Variants in SBNO2 observed in about 807,000 individuals in gnomAD.
SBNO2 encodes the protein protein strawberry notch homolog 2.
Under a neutral mutation model 146.3 loss-of-function variants are expected in SBNO2, and 89 were observed. The observed-to-expected ratio is 0.61, with a 90% confidence interval of 0.51 to 0.73. The LOEUF is 0.73. Among genes scored for constraint, SBNO2 ranks in the 30% least tolerant of loss-of-function variants. SBNO2 has a pLI of 0.00. For synonymous variants in SBNO2, 1,147 were observed against 892.6 expected, an observed-to-expected ratio of 1.29 and a Z score of -5.08; for missense variants, 2,092 against 2,003.7, an observed-to-expected ratio of 1.04 and a Z score of -0.84.
chr19:1,164,669 C>CAGG (rs1269073805), intron 1 of SBNO2, among the ~76,000 whole-genome samples: 4 of 8,676 alleles, frequency 4.6e-4, no homozygotes, highest in Admixed American at 1.4e-3. Flanking sequence ...GGAGGAGGAA[C>CAGG]AGGAGGAGGA....
At chr19:1,160,029 G>A (rs960500912) in intron 1 of SBNO2, among the ~76,000 whole-genome samples, 4 of 152,066 alleles carry the variant, frequency 2.6e-5, no homozygotes, top group African/African-American at 7.2e-5. Flanking sequence ...GGGTGCCCCC[G>A]CCTGCCCCGC....
chr19:1,144,039 C>T lies in SBNO2; in HGVS notation c.279+3270G>A, dbSNP rs974835742. ...GCTGGCTGGGCTGCGCTGGGGGGCA[C>T]GGCGCAAAGGGCCTCGAACACCAGG... On this transcript the variant is annotated intron_variant, in intron 4 of 31. Transcript: ENST00000361757. This position sits in a 1 kb window ranked among gnomAD's most constrained non-coding sequence, Gnocchi z 4.1. 3.3e-5 allele frequency among the ~76,000 whole-genome samples: 5 copies of T among 152,328 alleles called. No homozygotes were observed. The highest frequency in any genetic ancestry group is 5.9e-5 in the Non-Finnish European group (4 of 68,024).
In SBNO2 at chr19:1,122,549, G is replaced by A. The variant is rs377525831; in HGVS notation, c.924C>T (p.Val308=). The change falls in exon 10 of 32, where the codon GTC becomes GTT. Residue 308 remains valine (V), a synonymous_variant. Transcript: ENST00000361757. ...RGRKKALWFS[V]SNDLKYDAER... ...CCGCATCGTACTTGAGGTCGTTGGA[G>A]ACGCTGAACCTGCGGGGTGGGGGCG... 448 of 1,546,116 alleles carry A rather than the reference G, an allele frequency of 2.9e-4. No individual in the cohort carries two copies. Among genetic ancestry groups the A allele is most frequent in the Non-Finnish European group, 3.8e-4 (441 of 1,147,122 alleles).
rs1310668268 is a variant in SBNO2 at position 1,157,873 on chromosome 19, GCA to G, written c.-126-3473_-126-3472del. ...CTCTCTCTCTTGAGTCCGGGTAACT[GCA>G]TCTGCCTCCCAGCTCTCTCTCCTGA... is the stretch of plus-strand genomic sequence containing the variant. On this transcript the variant is annotated intron_variant, in intron 1 of 31. Coordinates refer to ENST00000361757, the MANE Select transcript of SBNO2 (RefSeq NM_014963.3). The surrounding 1 kb of genome is among the most constrained non-coding windows in gnomAD (Gnocchi z 6.8). Among the ~76,000 whole-genome samples the G allele has an allele frequency of 2.1e-4, 31 of 147,036 alleles. No individual in the cohort carries two copies. The highest frequency in any genetic ancestry group is 8.1e-4 in the African/African-American group (31 of 38,188).
chr19:1,158,305 C>T lies in SBNO2; in HGVS notation c.-126-3903G>A, dbSNP rs2080311502. ...AGCTGTGTCCTCGGAGCCCGGTTCT[C>T]CTGCCGTCCTCTCGCCGAGCAGGGT... is the stretch of plus-strand genomic sequence containing the variant. On this transcript the variant is annotated intron_variant, in intron 1 of 31. Coordinates refer to ENST00000361757, the MANE Select transcript of SBNO2 (RefSeq NM_014963.3). This position sits in a 1 kb window ranked among gnomAD's most constrained non-coding sequence, Gnocchi z 9.9. Among the ~76,000 whole-genome samples the T allele has an allele frequency of 6.6e-6, 1 of 152,198 alleles. No individual in the cohort carries two copies. Among genetic ancestry groups the T allele is most frequent in the South Asian group, 2.1e-4 (1 of 4,830 alleles).
chr19:1,163,137 G>A (rs908937382), intron 1 of SBNO2, among the ~76,000 whole-genome samples: 2 of 152,204 alleles, frequency 1.3e-5, no homozygotes, highest in South Asian at 4.1e-4. Context: ...ACATCTACCC[G>A]CACCTGTGGG....
At chr19:1,151,646 GC>G (rs2080243520) in intron 2 of SBNO2, among the ~76,000 whole-genome samples, 1 of 151,818 alleles carries the variant, frequency 6.6e-6, no homozygotes, top group Non-Finnish European at 1.5e-5. Context: ...GACAATCAGA[GC>G]CTGCCTGGTG....
intron 5 of SBNO2, among the ~76,000 whole-genome samples, chr19:1,125,853 G>A (rs966936725): frequency 1.3e-5 from 2 of 152,012 alleles, no homozygotes; most frequent in African/African-American, 4.8e-5. Flanking sequence ...AATTAGCCAG[G>A]CGTGGTGTCG....
chr19:1,159,734 G>T (rs1305128123), intron 1 of SBNO2, among the ~76,000 whole-genome samples: 1 of 109,018 alleles, frequency 9.2e-6, no homozygotes, highest in Non-Finnish European at 1.9e-5. Flanking sequence ...AAGGGACGGG[G>T]TGACAACAGG....
chr19:1,154,342 G>T lies in SBNO2; in HGVS notation c.-66C>A. The T allele has an allele frequency of 1.1e-6, 1 of 906,002 alleles. No homozygotes were observed. Among genetic ancestry groups the T allele is most frequent in the Middle Eastern group, 3.1e-4 (1 of 3,260 alleles). 56.1% of individuals were successfully genotyped at this position (906,002 alleles called of 1,614,324 possible). ...CGGCGGGACTCCAGGACCCGGGGCC[G>T]CCGGGGCGTCTATCTGGGCTTCTCG... On this transcript the variant is annotated 5_prime_UTR_variant, in exon 2 of 32. Coordinates refer to ENST00000361757, the MANE Select transcript of SBNO2 (RefSeq NM_014963.3).
chr19:1,123,475 C>T, intron 7 of SBNO2, 59 bp downstream of exon 7: 1 of 1,453,850 alleles, frequency 6.9e-7, no homozygotes, highest in Non-Finnish European at 9.6e-7. Flanking sequence ...CCTGCAGGGT[C>T]TCGGTCCCAC....
chr19:1,138,342 C>T (rs753697540), intron 4 of SBNO2, among the ~76,000 whole-genome samples: 3 of 151,324 alleles, frequency 2.0e-5, no homozygotes, highest in African/African-American at 4.9e-5. Flanking sequence ...AGGGGACCCA[C>T]GGGAGGCTCT....
At position 1,112,535 on chromosome 19, in the gene SBNO2, G is replaced by A. The variant is rs772586815; in HGVS notation, c.2382C>T (p.Leu794=). The A allele has an allele frequency of 6.3e-6, 10 of 1,598,128 alleles. No homozygotes were observed. Among genetic ancestry groups the A allele is most frequent in the South Asian group, 5.6e-5 (5 of 89,820 alleles). The change falls in exon 21 of 32, where the codon CTC becomes CTT. Residue 794 remains leucine, a splice_region_variant and synonymous_variant. Transcript: ENST00000361757. This position sits in a 1 kb window ranked among gnomAD's most constrained non-coding sequence, Gnocchi z 5.9. ...EKQRFMSGEK[L]VAIISEASSS... ...TGGAGGCCTCCGAGATGATGGCCAC[G>A]AGCTAGGGGGAAAGAAGGGGCCGGG...
chr19:1,146,765 G>A (rs2145296090), intron 4 of SBNO2, among the ~76,000 whole-genome samples: 1 of 139,294 alleles, frequency 7.2e-6, no homozygotes, highest in East Asian at 2.1e-4. Flanking sequence ...AGGCTGTGAG[G>A]GTGGGGGTGG....
rs1355594105 is a variant in SBNO2 at position 1,108,280 on chromosome 19, G to C, written c.4041C>G (p.Pro1347=). ...AGAGGAAGGG[P]ERQSVIQFSP... Reference sequence around the variant, plus strand: ...TGAACTGGATCACGCTCTGCCGCTCGGGACCACCGCCCGCCGCGCCCCCCG... The same window carrying C: ...TGAACTGGATCACGCTCTGCCGCTCCGGACCACCGCCCGCCGCGCCCCCCG... Residue 1347 remains proline, a synonymous_variant, in exon 32 of 32, where the codon CCC becomes CCG. Coordinates refer to ENST00000361757, the MANE Select transcript of SBNO2 (RefSeq NM_014963.3). 4.0e-6 allele frequency: 6 copies of C among 1,510,742 alleles called. No individual in the cohort carries two copies. Among genetic ancestry groups the C allele is most frequent in the African/African-American group, 1.5e-5 (1 of 68,880 alleles). The allele number at this position is 1,510,742 out of a possible 1,614,324, so 93.6% of individuals were successfully genotyped here. A position where few individuals can be genotyped will look rare whatever the true frequency, so the allele number is the denominator to read the frequency against.
At chr19:1,121,278 G>A (rs755124536) in intron 11 of SBNO2, among the ~76,000 whole-genome samples, 6 of 152,210 alleles carry the variant, frequency 3.9e-5, no homozygotes, top group African/African-American at 9.7e-5. Context: ...TTAAACGGCC[G>A]GCCCTGCCGC....
chr19:1,165,388 G>A (rs901841250), intron 1 of SBNO2, among the ~76,000 whole-genome samples: 1 of 152,170 alleles, frequency 6.6e-6, no homozygotes, highest in Admixed American at 6.5e-5. Flanking sequence ...GATGCGAGCA[G>A]GGTGCCGGGC....
At position 1,116,739 on chromosome 19, in the gene SBNO2, C is replaced by G. The variant is rs2079836439; in HGVS notation, c.1802+90G>C. On this transcript the variant is annotated intron_variant, in intron 16 of 31. Transcript: ENST00000361757. The stretch of plus-strand genomic sequence containing the variant: ...CCCCAGCACCTCCTGCTGCTGGGGC[C>G]AAGGGGCAGGGTCAGGCCACAGGTG... The G allele has an allele frequency of 2.5e-6, 3 of 1,190,476 alleles. No homozygotes were observed. The Admixed American group carries it at 7.3e-5, about 29-fold the overall frequency. The allele number at this position is 1,190,476 out of a possible 1,614,324, so 73.7% of individuals were successfully genotyped here.
At position 1,112,620 on chromosome 19, in the gene SBNO2, C is replaced by G; in HGVS notation, c.2380-83G>C. ...GCCACCTCCTCACCCACTAGGCCCC[C>G]GCTCCAGGTCACCAGGACGTCCCGG... is the stretch of plus-strand genomic sequence containing the variant. On this transcript the variant is annotated intron_variant, in intron 20 of 31. Coordinates refer to ENST00000361757, the MANE Select transcript of SBNO2 (RefSeq NM_014963.3). The surrounding 1 kb of genome is among the most constrained non-coding windows in gnomAD (Gnocchi z 5.9). 2 of 1,475,558 alleles carry G rather than the reference C, an allele frequency of 1.4e-6. No individual in the cohort carries two copies. The highest frequency in any genetic ancestry group is 1.8e-6 in the Non-Finnish European group (2 of 1,114,730). 91.4% of individuals were successfully genotyped at this position (1,475,558 alleles called of 1,614,324 possible). A position where few individuals can be genotyped will look rare whatever the true frequency, so the allele number is the denominator to read the frequency against.
Sources: allele counts gnomAD v4.1 joint callset (sites outside exome capture counted in the v4.1 genomes callset), GRCh38; gene constraint gnomAD v4.1.1; non-coding constraint Gnocchi (gnomAD v3.1); transcripts MANE v1.5; gene names NCBI Gene and HGNC (gene_info 2026-07-23, HGNC 2026-07-21).